Variants in MMEL1 observed in about 807,000 individuals in gnomAD.
MMEL1 encodes the protein membrane metallo-endopeptidase-like 1.
A neutral mutation model predicts 117.1 loss-of-function variants in MMEL1; 98 were observed. The observed-to-expected ratio is 0.84, with a 90% CI of 0.71 to 0.99. The LOEUF is 0.99. MMEL1 is among the 50% of genes least tolerant of loss of function. MMEL1 has a pLI of 0.00. For missense variants in MMEL1, 1,014 were observed against 1,049.1 expected (o/e 0.97, Z 0.46); for synonymous variants, 390 against 415.1 (o/e 0.94, Z 0.74).
At position 2,612,061 on chromosome 1, in the gene MMEL1, C is replaced by A; in HGVS notation, c.232+66G>T. ...CCCAGCCCCTGCCCCTCCACGGAGTCCCCCCACCTTGGGAGGCCAGCGCCC... is the reference window on the plus strand; with the variant it reads ...CCCAGCCCCTGCCCCTCCACGGAGTACCCCCACCTTGGGAGGCCAGCGCCC... On this transcript the variant is annotated intron_variant, in intron 3 of 23. Transcript: ENST00000378412. This position sits in a 1 kb window ranked among gnomAD's most constrained non-coding sequence, Gnocchi z 5.4. The A allele has an allele frequency of 7.3e-7, 1 of 1,365,056 alleles. No homozygotes were observed. The highest frequency in any genetic ancestry group is 1.0e-6 in the Non-Finnish European group (1 of 976,854). 84.6% of individuals were successfully genotyped at this position (1,365,056 alleles called of 1,614,324 possible). A position where few individuals can be genotyped will look rare whatever the true frequency, so the allele number is the denominator to read the frequency against.
At chr1:2,594,714 T>C in intron 17 of MMEL1, 76 bp downstream of exon 17, 2 of 1,297,766 alleles carry the variant, frequency 1.5e-6, no homozygotes, top group Non-Finnish European at 2.2e-6. Context: ...GTCCCCCGCC[T>C]GGCAGGCAGC....
At chr1:2,624,989 A>C (rs1296865102) in intron 2 of MMEL1, among the ~76,000 whole-genome samples, 1 of 152,150 alleles carries the variant, frequency 6.6e-6, no homozygotes, top group Non-Finnish European at 1.5e-5. Flanking sequence ...ATCTCGTGAG[A>C]ACTCACTCAC....
In MMEL1 at chr1:2,596,661, ACCT is replaced by A. The variant is rs1282796901; in HGVS notation, c.1298_1300del (p.Glu433del). 12 of 1,612,770 alleles carry A rather than the reference ACCT, an allele frequency of 7.4e-6. No homozygotes were observed. The highest frequency in any genetic ancestry group is 9.3e-6 in the Non-Finnish European group (11 of 1,179,772). ...GTAGCCCACACATTCACGCCAGCGC[ACCT>A]CCTCCACCATTGTGCCAAACAGCGC... On this transcript the variant is annotated inframe_deletion, in exon 14 of 24. Transcript: ENST00000378412.
chr1:2,603,245 TC>T (rs1337250708), intron 11 of MMEL1, among the ~76,000 whole-genome samples: 1 of 152,036 alleles, frequency 6.6e-6, no homozygotes, highest in African/African-American at 2.4e-5. Flanking sequence ...GCCCTTGCCC[TC>T]CCCCCACTGA....
intron 2 of MMEL1, among the ~76,000 whole-genome samples, chr1:2,620,721 G>A (rs1272273956): frequency 6.6e-6 from 1 of 151,696 alleles, no homozygotes; most frequent in African/African-American, 2.4e-5. Flanking sequence ...CAAGAAGGTG[G>A]CCATTTGGTA....
At chr1:2,602,193 T>G in intron 11 of MMEL1, among the ~76,000 whole-genome samples, 1 of 55,004 alleles carries the variant, frequency 1.8e-5, no homozygotes, top group African/African-American at 1.2e-4. Context: ...AGTCAGGGTC[T>G]CTTCTCCAGG....
At chr1:2,604,120 G>GCGAC in intron 10 of MMEL1, 27 bp downstream of exon 10, 5 of 1,330,074 alleles carry the variant, frequency 3.8e-6, no homozygotes, top group Non-Finnish European at 5.4e-6. Context: ...CTCGCTGCCC[G>GCGAC]CTCCCCACCC....
chr1:2,618,400 T>G (rs1645237216), intron 2 of MMEL1, among the ~76,000 whole-genome samples: 1 of 152,228 alleles, frequency 6.6e-6, no homozygotes, highest in Non-Finnish European at 1.5e-5. Flanking sequence ...TCCACCTCTT[T>G]TCTCTATAAA....
rs1464220614 is a variant in MMEL1 at position 2,611,342 on chromosome 1, T to C, written c.233-2A>G. ...TCACCTCTTGGGCCTCTGGGATCCCTGCGGGCAAGGAGCAGCCTGAGCACC... is the reference window on the plus strand; with the variant it reads ...TCACCTCTTGGGCCTCTGGGATCCCCGCGGGCAAGGAGCAGCCTGAGCACC... On this transcript the variant is annotated splice_acceptor_variant, in intron 3 of 23. Transcript: ENST00000378412. LOFTEE classifies it high-confidence loss of function. 2.2e-5 allele frequency: 33 copies of C among 1,529,458 alleles called. No homozygotes were observed. The highest frequency in any genetic ancestry group is 2.8e-5 in the Non-Finnish European group (32 of 1,138,584). 94.7% of individuals were successfully genotyped at this position (1,529,458 alleles called of 1,614,324 possible).
intron 1 of MMEL1, among the ~76,000 whole-genome samples, chr1:2,631,305 C>T (rs991151542): frequency 6.6e-6 from 1 of 152,134 alleles, no homozygotes; most frequent in African/African-American, 2.4e-5. Flanking sequence ...CGAAAGGAAG[C>T]CAGGCCCAGT....
intron 23 of MMEL1, 154 bp downstream of exon 23, chr1:2,591,403 T>C: frequency 5.9e-6 from 4 of 673,056 alleles, no homozygotes. Context: ...AGAATGTCCC[T>C]GACCGAAATC....
intron 6 of MMEL1, among the ~76,000 whole-genome samples, chr1:2,608,375 G>A (rs924847585): frequency 9.9e-5 from 15 of 152,090 alleles, no homozygotes; most frequent in African/African-American, 3.4e-4. Flanking sequence ...CTCCAAGCAC[G>A]TGAATTCCTT....
At chr1:2,618,784 A>T (rs1645243781) in intron 2 of MMEL1, among the ~76,000 whole-genome samples, 1 of 152,246 alleles carries the variant, frequency 6.6e-6, no homozygotes. Context: ...CAATTTGAAT[A>T]TGTATTTACA....
chr1:2,629,303 C>T, intron 2 of MMEL1, 28 bp downstream of exon 2: 2 of 1,509,454 alleles, frequency 1.3e-6, no homozygotes, highest in Non-Finnish European at 1.8e-6. Context: ...GGCACGGGGA[C>T]AGGCGGGGGC....
chr1:2,602,860 T>A (rs1226059842), intron 11 of MMEL1, among the ~76,000 whole-genome samples: 1 of 151,828 alleles, frequency 6.6e-6, no homozygotes, highest in Non-Finnish European at 1.5e-5. Flanking sequence ...TCTGCTGTCC[T>A]GGCTGAGCTC....
chr1:2,616,082 T>G (rs1278964705), intron 2 of MMEL1, among the ~76,000 whole-genome samples: 2 of 152,094 alleles, frequency 1.3e-5, no homozygotes, highest in Non-Finnish European at 2.9e-5. Flanking sequence ...CATGCCTGAA[T>G]CCCAGCACTT....
Position 2,594,403 on chromosome 1 carries a change from G to C in MMEL1, c.1729C>G (p.Pro577Ala). 1 of 1,551,768 alleles carries C rather than the reference G, an allele frequency of 6.4e-7. No homozygotes were observed. The highest frequency in any genetic ancestry group is 8.7e-7 in the Non-Finnish European group (1 of 1,146,992). ...GAAVVNAFYS[P>A]NRNQIVFPAG... ...AACTTACCAATCTGGTTTCGGTTTGGGGAGTAGAACGCATTGACCACCGCC... is the reference window on the plus strand; with the variant it reads ...AACTTACCAATCTGGTTTCGGTTTGCGGAGTAGAACGCATTGACCACCGCC... The change falls in exon 18 of 24, where the codon CCA becomes GCA. Residue 577 changes from proline to alanine, a missense_variant. Physicochemically the swap from Pro to Ala is conservative, Grantham distance 27. Coordinates refer to ENST00000378412, the MANE Select transcript of MMEL1 (RefSeq NM_033467.4).
At chr1:2,613,400 A>G (rs1454275362) in intron 2 of MMEL1, among the ~76,000 whole-genome samples, 1 of 152,206 alleles carries the variant, frequency 6.6e-6, no homozygotes, top group African/African-American at 2.4e-5. Context: ...TCACCTCAGC[A>G]AAAGAGTGGA....
At chr1:2,631,216 C>A (rs184911550) in intron 1 of MMEL1, among the ~76,000 whole-genome samples, 1 of 152,146 alleles carries the variant, frequency 6.6e-6, no homozygotes, top group African/African-American at 2.4e-5. Flanking sequence ...CACTTTCAGT[C>A]GTCACACGCA....
Sources: allele counts gnomAD v4.1 joint callset (sites outside exome capture counted in the v4.1 genomes callset), GRCh38; gene constraint gnomAD v4.1.1; non-coding constraint Gnocchi (gnomAD v3.1); transcripts MANE v1.5; gene names NCBI Gene and HGNC (gene_info 2026-07-23, HGNC 2026-07-21).